Variants in ZNF503 observed in about 807,000 individuals in gnomAD.
ZNF503 encodes zinc finger protein 503.
ZNF503 carries 15 observed loss-of-function variants against 34.4 expected under a neutral mutation model. The observed-to-expected ratio is 0.44, with a 90% CI of 0.29 to 0.67. ZNF503 has a LOEUF of 0.67. Ranked by LOEUF, ZNF503 falls within the 30% of genes least tolerant of loss-of-function variation. ZNF503 has a pLI of 0.13. For missense variants in ZNF503, 1,007 were observed against 926.8 expected (o/e 1.09, Z -1.12); for synonymous variants, 580 against 456.8 (o/e 1.27, Z -3.44).
the ZNF503 span, among the ~76,000 whole-genome samples, chr10:75,353,203 A>G: frequency 6.6e-6 from 1 of 152,228 alleles, no homozygotes; most frequent in African/African-American, 2.4e-5. Flanking sequence ...ACTGATGTTC[A>G]GTTCTAATTA....
chr10:75,327,721 G>T, the ZNF503 span, among the ~76,000 whole-genome samples: 1 of 152,062 alleles, frequency 6.6e-6, no homozygotes, highest in Non-Finnish European at 1.5e-5. Flanking sequence ...CACTAACCGT[G>T]TGTAATAGTT....
chr10:75,399,553 C>A lies in ZNF503; in HGVS notation c.1137G>T (p.Val379=), dbSNP rs769640411. 2 of 1,594,510 alleles carry A rather than the reference C, an allele frequency of 1.3e-6. No homozygotes were observed. The highest frequency in any genetic ancestry group is 8.5e-7 in the Non-Finnish European group (1 of 1,178,208). The change falls in exon 2 of 2, where the codon GTG becomes GTT. Residue 379 remains valine (V), a synonymous_variant. Transcript: ENST00000372524. The part of the protein sequence containing the change: ...GYPPQFLPHG[V]ALDPTKPGSL... ...TGCCCGGCTTGGTGGGGTCAAGTGC[C>A]ACGCCGTGTGGCAGGAACTGGGGCG...
At chr10:75,291,885 T>C in the ZNF503 span, among the ~76,000 whole-genome samples, 1 of 152,242 alleles carries the variant, frequency 6.6e-6, no homozygotes, top group African/African-American at 2.4e-5. Context: ...GCTCTGGCTT[T>C]CTGCTGGATG....
downstream of ZNF503, among the ~76,000 whole-genome samples, chr10:75,395,537 C>T (rs1843687187): frequency 6.6e-6 from 1 of 152,054 alleles, no homozygotes; most frequent in Non-Finnish European, 1.5e-5. This position sits in a 1 kb window ranked among gnomAD's most constrained non-coding sequence, Gnocchi z 4.4. Context: ...CGCCAGCCGG[C>T]GCGCCGGGGA....
the ZNF503 span, among the ~76,000 whole-genome samples, chr10:75,371,400 G>A: frequency 6.6e-6 from 1 of 152,184 alleles, no homozygotes; most frequent in Non-Finnish European, 1.5e-5. Flanking sequence ...GCAAGAGTGG[G>A]TTGGTGTTTC....
chr10:75,311,035 G>A, the ZNF503 span, among the ~76,000 whole-genome samples: 14 of 152,272 alleles, frequency 9.2e-5, no homozygotes, highest in African/African-American at 3.1e-4. Context: ...TAGGATAGAT[G>A]TATATATAAA....
At chr10:75,392,178 G>T in the ZNF503 span, among the ~76,000 whole-genome samples, 1 of 152,208 alleles carries the variant, frequency 6.6e-6, no homozygotes, top group Admixed American at 6.5e-5. Flanking sequence ...TGAATGGATG[G>T]ACTAGTAAGT....
chr10:75,326,641 ATTGTT>A, the ZNF503 span, among the ~76,000 whole-genome samples: 1 of 149,616 alleles, frequency 6.7e-6, no homozygotes, highest in East Asian at 2.0e-4. Context: ...TAAAATGTTT[ATTGTT>A]TTATTTTTTT....
chr10:75,359,823 C>T, the ZNF503 span, among the ~76,000 whole-genome samples: 1 of 152,268 alleles, frequency 6.6e-6, no homozygotes, highest in East Asian at 1.9e-4. Flanking sequence ...CAGAAGTAAG[C>T]CTGGAGCTGC....
chr10:75,311,204 G>A, the ZNF503 span, among the ~76,000 whole-genome samples: 9 of 152,196 alleles, frequency 5.9e-5, no homozygotes, highest in African/African-American at 2.2e-4. Flanking sequence ...ATGGGAGAAA[G>A]ATGTAGGCCA....
At chr10:75,300,626 C>T in the ZNF503 span, among the ~76,000 whole-genome samples, 1 of 152,016 alleles carries the variant, frequency 6.6e-6, no homozygotes, top group Non-Finnish European at 1.5e-5. Context: ...CCACATTCTT[C>T]TGCCATGGCT....
At chr10:75,367,047 T>C in the ZNF503 span, among the ~76,000 whole-genome samples, 4 of 152,186 alleles carry the variant, frequency 2.6e-5, no homozygotes, top group Non-Finnish European at 5.9e-5. Flanking sequence ...CACCACTTTG[T>C]GTTACTGAAG....
the ZNF503 span, among the ~76,000 whole-genome samples, chr10:75,348,962 C>T: frequency 6.6e-6 from 1 of 150,862 alleles, no homozygotes; most frequent in Non-Finnish European, 1.5e-5. Flanking sequence ...GCTATATACT[C>T]TCTCTCTCTC....
chr10:75,369,442 T>G, the ZNF503 span, among the ~76,000 whole-genome samples: 1 of 152,198 alleles, frequency 6.6e-6, no homozygotes, highest in East Asian at 1.9e-4. Context: ...GATGGTTTTA[T>G]AAGGGGCTTC....
At chr10:75,329,526 G>A in the ZNF503 span, among the ~76,000 whole-genome samples, 16 of 150,034 alleles carry the variant, frequency 1.1e-4, no homozygotes, top group Admixed American at 4.7e-4. Flanking sequence ...GTGCAGTGGC[G>A]TGCTCATAGC....
chr10:75,310,659 G>A, the ZNF503 span, among the ~76,000 whole-genome samples: 1 of 152,252 alleles, frequency 6.6e-6, no homozygotes, highest in African/African-American at 2.4e-5. Flanking sequence ...ATTTTCATCA[G>A]CTGGTAATGC....
the ZNF503 span, among the ~76,000 whole-genome samples, chr10:75,335,622 TCCTTTATC>T: frequency 6.6e-6 from 1 of 152,200 alleles, no homozygotes; most frequent in Non-Finnish European, 1.5e-5. Context: ...ACCATAATTC[TCCTTTATC>T]CCAACATGAG....
At chr10:75,331,191 A>G in the ZNF503 span, among the ~76,000 whole-genome samples, 11 of 152,164 alleles carry the variant, frequency 7.2e-5, no homozygotes, top group African/African-American at 2.4e-4. Flanking sequence ...ATTGTTTTAC[A>G]TTTGTTGAGA....
At chr10:75,300,672 C>T in the ZNF503 span, among the ~76,000 whole-genome samples, 14 of 151,220 alleles carry the variant, frequency 9.3e-5, no homozygotes, top group Non-Finnish European at 1.5e-4. Context: ...CCTGACTTCC[C>T]GCAACATCTA....
Sources: allele counts gnomAD v4.1 joint callset (sites outside exome capture counted in the v4.1 genomes callset), GRCh38; gene constraint gnomAD v4.1.1; non-coding constraint Gnocchi (gnomAD v3.1); transcripts MANE v1.5; gene names NCBI Gene and HGNC (gene_info 2026-07-23, HGNC 2026-07-21).